Variants in COA8 observed in about 807,000 individuals in gnomAD.
The protein encoded by COA8 is UPF0671 protein C14orf153.
A neutral mutation model predicts 22.0 loss-of-function variants in COA8; 20 were observed. The observed-to-expected ratio is 0.91, with a 90% CI of 0.64 to 1.32. The LOEUF (loss-of-function observed/expected upper bound fraction) is 1.32, where lower values mean the gene tolerates loss of function less well. Ranked by LOEUF, COA8 falls within the 40% of genes most tolerant of loss-of-function variation. The pLI, the probability that COA8 is intolerant of heterozygous loss-of-function variation, is 0.00. For synonymous variants in COA8, 105 were observed against 79.9 expected (o/e 1.31, Z -1.68); for missense variants, 266 against 230.0 (o/e 1.16, Z -1.01).
intron 4 of COA8, among the ~76,000 whole-genome samples, chr14:103,589,303 C>T (rs2076333313): frequency 6.6e-6 from 1 of 152,180 alleles, no homozygotes; most frequent in Non-Finnish European, 1.5e-5. Context: ...TTACTTTGGG[C>T]ACTGCTCCTC....
intron 1 of COA8, chr14:103,567,665 T>G (rs1414088663): frequency 6.6e-6 from 1 of 152,500 alleles, no homozygotes; most frequent in Non-Finnish European, 1.5e-5. Context: ...GGATTACAAG[T>G]GTAAACCACC....
chr14:103,567,331 C>A (rs913823902), intron 1 of COA8: 1 of 150,042 alleles, frequency 6.7e-6, no homozygotes, highest in Non-Finnish European at 1.5e-5. Flanking sequence ...CAAGATCGCG[C>A]CACTGCACTC....
intron 1 of COA8, among the ~76,000 whole-genome samples, chr14:103,569,676 G>A (rs1050680444): frequency 6.6e-6 from 1 of 152,220 alleles, no homozygotes; most frequent in African/African-American, 2.4e-5. Context: ...CACAGTCTAG[G>A]GGGGTGGACC....
At position 103,581,592 on chromosome 14, in the gene COA8, GA is replaced by G. The variant is rs1476363575; in HGVS notation, c.386-5679del. 1.3e-5 allele frequency: 5 copies of G among 398,752 alleles called. No individual in the cohort carries two copies. The highest frequency in any genetic ancestry group is 2.2e-5 in the Non-Finnish European group (5 of 226,288). 24.7% of individuals were successfully genotyped at this position (398,752 alleles called of 1,614,324 possible). ...AGACCCCACTTTACCTCGGGTAACTGAAACCATGGAAAGAAAAACCATGGAT... is the reference window on the plus strand; with the variant it reads ...AGACCCCACTTTACCTCGGGTAACTGAACCATGGAAAGAAAAACCATGGAT... On this transcript the variant is annotated intron_variant, in intron 3 of 4. Coordinates refer to ENST00000409074, the MANE Select transcript of COA8 (RefSeq NM_001370595.2). This position sits in a 1 kb window ranked among gnomAD's most constrained non-coding sequence, Gnocchi z 4.1.
At position 103,581,496 on chromosome 14, in the gene COA8, G is replaced by A. The variant is rs185017795; in HGVS notation, c.386-5778G>A. ...GTAGGACCTTGGGAGGTTTCATCAC[G>A]CTACTCAGAACAGCATGCAGTTCAA... On this transcript the variant is annotated intron_variant, in intron 3 of 4. Coordinates refer to ENST00000409074, the MANE Select transcript of COA8 (RefSeq NM_001370595.2). The surrounding 1 kb of genome is among the most constrained non-coding windows in gnomAD (Gnocchi z 4.1). 96 of 396,026 alleles carry A rather than the reference G, an allele frequency of 2.4e-4. 1 individual carries two copies. Among genetic ancestry groups the A allele is most frequent in the African/African-American group, 1.7e-3 (81 of 48,666 alleles). 24.5% of individuals were successfully genotyped at this position (396,026 alleles called of 1,614,324 possible).
chr14:103,572,052 G>A (rs565616485), intron 2 of COA8, among the ~76,000 whole-genome samples: 15 of 151,922 alleles, frequency 9.9e-5, no homozygotes, highest in South Asian at 2.1e-4. Flanking sequence ...GCGTGAACCC[G>A]GGAGGCAGAG....
chr14:103,574,402 G>A, intron 3 of COA8: 1 of 671,924 alleles, frequency 1.5e-6, no homozygotes, highest in Non-Finnish European at 2.7e-6. Flanking sequence ...GGTTATGATG[G>A]ATGACCAACC....
At chr14:103,568,446 C>T (rs1169128096) in intron 1 of COA8, among the ~76,000 whole-genome samples, 3 of 151,054 alleles carry the variant, frequency 2.0e-5, no homozygotes, top group Admixed American at 6.6e-5. Context: ...TATATATATA[C>T]ACACACATAC....
At chr14:103,586,759 G>A (rs1208460415) in intron 3 of COA8, among the ~76,000 whole-genome samples, 1 of 151,498 alleles carries the variant, frequency 6.6e-6, no homozygotes, top group Non-Finnish European at 1.5e-5. Flanking sequence ...AGTAGAGACG[G>A]GGTTTCACCA....
At chr14:103,588,887 G>A (rs1352355403) in intron 4 of COA8, among the ~76,000 whole-genome samples, 3 of 152,180 alleles carry the variant, frequency 2.0e-5, no homozygotes, top group Non-Finnish European at 4.4e-5. Flanking sequence ...GACTCAGTGA[G>A]GGACAGTCTG....
Position 103,571,709 on chromosome 14 carries a change from T to C in COA8, c.210T>C (p.Phe70=). 4 of 1,614,216 alleles carry C rather than the reference T, an allele frequency of 2.5e-6. No homozygotes were observed. The highest frequency in any genetic ancestry group is 3.4e-6 in the Non-Finnish European group (4 of 1,180,022). The change falls in exon 2 of 5, where the codon TTT becomes TTC. Residue 70 remains phenylalanine (F), a synonymous_variant. Transcript: ENST00000409074. ...ATTCAAACCTTCGACCTGTTCACTTTTACATACCTGAAAATGAATCTCCAT... is the reference window on the plus strand; with the variant it reads ...ATTCAAACCTTCGACCTGTTCACTTCTACATACCTGAAAATGAATCTCCAT... ...DKYSNLRPVH[F]YIPENESPLE...
intron 1 of COA8, chr14:103,563,482 T>TG (rs1566975822): frequency 2.5e-4 from 100 of 398,552 alleles, no homozygotes; most frequent in Admixed American, 8.8e-4. Flanking sequence ...GTGTGTGTGT[T>TG]TTGGCTTTGT....
At chr14:103,587,095 ATTG>A (rs1238840193) in intron 3 of COA8, among the ~76,000 whole-genome samples, 176 bp from the exon 4 acceptor site, 1 of 152,176 alleles carries the variant, frequency 6.6e-6, no homozygotes, top group Non-Finnish European at 1.5e-5. Context: ...CATAAGTAGA[ATTG>A]TTTTCTTGAT....
intron 3 of COA8, among the ~76,000 whole-genome samples, chr14:103,580,558 A>G (rs1407563131): frequency 6.6e-6 from 1 of 151,802 alleles, no homozygotes; most frequent in Non-Finnish European, 1.5e-5. Context: ...CAGTGGCCCT[A>G]TCTTGGCTCA....
chr14:103,585,207 G>A (rs971439355), intron 3 of COA8, among the ~76,000 whole-genome samples: 3 of 149,432 alleles, frequency 2.0e-5, no homozygotes, highest in African/African-American at 4.9e-5. Flanking sequence ...GGCCAGGCGC[G>A]GTGGCTCACG....
rs777536704 is a variant in COA8 at position 103,571,701 on chromosome 14, G to A, written c.202G>A (p.Val68Ile). The A allele has an allele frequency of 1.2e-6, 2 of 1,614,122 alleles. No individual in the cohort carries two copies. Among genetic ancestry groups the A allele is most frequent in the Non-Finnish European group, 1.7e-6 (2 of 1,180,012 alleles). ...PPDKYSNLRP[V>I]HFYIPENESP... is the part of the protein sequence containing the mutation. Reference sequence around the variant, plus strand: ...AGATAAATATTCAAACCTTCGACCTGTTCACTTTTACATACCTGAAAATGA... The same window carrying A: ...AGATAAATATTCAAACCTTCGACCTATTCACTTTTACATACCTGAAAATGA... The change falls in exon 2 of 5, where the codon GTT (valine) becomes ATT (isoleucine). Residue 68 changes from valine (V) to isoleucine (I), a missense_variant. Val to Ile is a conservative substitution (Grantham distance 29). Coordinates refer to ENST00000409074, the MANE Select transcript of COA8 (RefSeq NM_001370595.2).
intron 1 of COA8, among the ~76,000 whole-genome samples, chr14:103,565,661 G>A (rs1472546484): frequency 2.0e-5 from 3 of 149,646 alleles, no homozygotes; most frequent in African/African-American, 7.4e-5. Flanking sequence ...TGTCACCCAG[G>A]CTGGAGTGCA....
In COA8 at chr14:103,587,275, T is replaced by G; in HGVS notation, c.387T>G (p.Gly129=). The change falls in exon 4 of 5, where the codon GGT becomes GGG. Residue 129 remains glycine, a splice_region_variant and synonymous_variant. Transcript: ENST00000409074. ...GTTTAAGCTGAAATTACCTTTCAGG[T>G]CAGAAAGCAACATTGAATGCAGAAG... is the stretch of plus-strand genomic sequence containing the variant. ...TKGLGLRTES[G]QKATLNAEEM... is the part of the protein sequence containing the mutation. The G allele has an allele frequency of 6.2e-7, 1 of 1,611,326 alleles. No homozygotes were observed. Among genetic ancestry groups the G allele is most frequent in the Non-Finnish European group, 8.5e-7 (1 of 1,178,968 alleles).
chr14:103,581,580 C>A lies in COA8; in HGVS notation c.386-5694C>A. 1 of 399,086 alleles carries A rather than the reference C, an allele frequency of 2.5e-6. No homozygotes were observed. Among genetic ancestry groups the A allele is most frequent in the Non-Finnish European group, 4.4e-6 (1 of 226,436 alleles). The allele number at this position is 399,086 out of a possible 1,614,324, so 24.7% of individuals were successfully genotyped here. A position where few individuals can be genotyped will look rare whatever the true frequency, so the allele number is the denominator to read the frequency against. ...TTTAATATTTTCAGACCCCACTTTA[C>A]CTCGGGTAACTGAAACCATGGAAAG... On this transcript the variant is annotated intron_variant, in intron 3 of 4. Coordinates refer to ENST00000409074, the MANE Select transcript of COA8 (RefSeq NM_001370595.2). The surrounding 1 kb of genome is among the most constrained non-coding windows in gnomAD (Gnocchi z 4.1).
Sources: gnomAD v4.1 joint callset for allele counts (sites outside exome capture counted in the v4.1 genomes callset) on GRCh38, gnomAD v4.1.1 for gene constraint, Gnocchi (gnomAD v3.1) non-coding constraint, MANE v1.5 for transcripts, NCBI Gene and HGNC (gene_info 2026-07-23, HGNC 2026-07-21) for gene names.